RALGPS2: variants seen among roughly 807,000 people sequenced by gnomAD.
RALGPS2 encodes the protein ras-specific guanine nucleotide-releasing factor RalGPS2.
In RALGPS2, 43 loss-of-function variants were observed where a neutral mutation model predicts 86.8. The ratio of observed to expected loss-of-function variants is 0.50; its 90% CI spans 0.39 to 0.64. RALGPS2 has a LOEUF of 0.64. Ranked by LOEUF, RALGPS2 falls within the 30% of genes least tolerant of loss-of-function variation. RALGPS2 has a pLI of 0.00. For synonymous variants in RALGPS2, 243 were observed against 231.3 expected (o/e 1.05, Z -0.46); for missense variants, 536 against 694.6 (o/e 0.77, Z 2.57).
At chr1:178,787,193 C>T (rs1572331798) in intron 4 of RALGPS2, among the ~76,000 whole-genome samples, 3 of 151,902 alleles carry the variant, frequency 2.0e-5, no homozygotes, top group Middle Eastern at 3.4e-3. Context: ...ATGCAAATTA[C>T]GTTTTTGACC....
At chr1:178,859,831 C>A (rs931107239) in intron 8 of RALGPS2, among the ~76,000 whole-genome samples, 3 of 100,560 alleles carry the variant, frequency 3.0e-5, no homozygotes, top group Non-Finnish European at 4.5e-5. Context: ...CCCCCCCCCC[C>A]CCAACCGCCC....
In RALGPS2 at chr1:178,891,703, C is replaced by T. The variant is rs531297503; in HGVS notation, c.1248-527C>T. ...GTCAGTTAATGTAGAAATAATATAA[C>T]GCCTATATTACTCAGTTCATTTCTT... is the stretch of plus-strand genomic sequence containing the variant. On this transcript the variant is annotated intron_variant, in intron 14 of 19. Coordinates refer to ENST00000367635, the MANE Select transcript of RALGPS2 (RefSeq NM_152663.5). 6.6e-5 allele frequency among the ~76,000 whole-genome samples: 10 copies of T among 151,794 alleles called. No homozygotes were observed. The South Asian group carries it at 1.0e-3, about 16-fold the overall frequency.
chr1:178,754,100 G>A (rs1264486715), intron 1 of RALGPS2, among the ~76,000 whole-genome samples: 11 of 151,946 alleles, frequency 7.2e-5, no homozygotes, highest in Admixed American at 5.2e-4. Context: ...GGGATTACAG[G>A]TGTGAGCCAC....
chr1:178,772,286 A>T (rs993379194), intron 1 of RALGPS2, among the ~76,000 whole-genome samples: 1 of 152,162 alleles, frequency 6.6e-6, no homozygotes, highest in Non-Finnish European at 1.5e-5. Flanking sequence ...GTGAACTTTT[A>T]TGGGGTAGTC....
chr1:178,814,775 A>G (rs1391229891), intron 6 of RALGPS2, among the ~76,000 whole-genome samples: 1 of 152,112 alleles, frequency 6.6e-6, no homozygotes, highest in African/African-American at 2.4e-5. Context: ...TTTGTTATAG[A>G]TAACCTCCAA....
chr1:178,903,378 G>T (rs1660258250), intron 18 of RALGPS2, among the ~76,000 whole-genome samples: 1 of 151,934 alleles, frequency 6.6e-6, no homozygotes, highest in African/African-American at 2.4e-5. Context: ...TAAGTTATTG[G>T]GGTACAGGTG....
At chr1:178,843,964 G>A (rs1422661640) in intron 8 of RALGPS2, among the ~76,000 whole-genome samples, 1 of 152,118 alleles carries the variant, frequency 6.6e-6, no homozygotes, top group Non-Finnish European at 1.5e-5. Context: ...CAAACCGTTA[G>A]ATTAAATGTA....
rs748587348 is a variant in RALGPS2 at position 178,883,494 on chromosome 1, A to G, written c.865A>G (p.Ser289Gly). 2.5e-6 allele frequency: 4 copies of G among 1,613,502 alleles called. No homozygotes were observed. Among genetic ancestry groups the G allele is most frequent in the South Asian group, 1.1e-5 (1 of 91,058 alleles). Reference sequence around the variant, plus strand: ...TTCATTAAAGATAGAACCAGGGACAAGCACCCCACGTTCTGCTGCTTCCAG... The same window carrying G: ...TTCATTAAAGATAGAACCAGGGACAGGCACCCCACGTTCTGCTGCTTCCAG... ...KLSLKIEPGT[S>G]TPRSAASRED... is the part of the protein sequence containing the mutation. The change falls in exon 11 of 20, where the codon AGC becomes GGC. Residue 289 changes from serine (S) to glycine (G), a missense_variant. Physicochemically the swap from Ser to Gly is moderately conservative, Grantham distance 56. Coordinates refer to ENST00000367635, the MANE Select transcript of RALGPS2 (RefSeq NM_152663.5).
At chr1:178,747,597 T>G in intron 1 of RALGPS2, 1 of 1,598,900 alleles carries the variant, frequency 6.3e-7, no homozygotes. Context: ...TGTGTTAAGA[T>G]GTAACTCCTT....
At chr1:178,862,763 G>A (rs1658124723) in intron 8 of RALGPS2, among the ~76,000 whole-genome samples, 1 of 152,068 alleles carries the variant, frequency 6.6e-6, no homozygotes, top group Admixed American at 6.6e-5. Flanking sequence ...ACTAGTGGAA[G>A]GTCCGCTAGG....
At chr1:178,781,563 C>T (rs1479473692) in intron 2 of RALGPS2, among the ~76,000 whole-genome samples, 3 of 152,066 alleles carry the variant, frequency 2.0e-5, no homozygotes, top group Non-Finnish European at 4.4e-5. Context: ...GGAAGCATGT[C>T]AAAATGCACA....
intron 3 of RALGPS2, among the ~76,000 whole-genome samples, chr1:178,784,889 T>C (rs1263145872): frequency 6.6e-6 from 1 of 152,056 alleles, no homozygotes; most frequent in Non-Finnish European, 1.5e-5. Context: ...AAAAATGAAA[T>C]ATGAAGGTGT....
intron 1 of RALGPS2, among the ~76,000 whole-genome samples, chr1:178,748,513 CACA>C (rs991654062): frequency 1.3e-5 from 2 of 152,072 alleles, no homozygotes; most frequent in African/African-American, 4.8e-5. Flanking sequence ...TATTGATAGT[CACA>C]ACAACAGGGA....
chr1:178,734,957 T>C (rs1423591651), intron 1 of RALGPS2, among the ~76,000 whole-genome samples: 1 of 152,160 alleles, frequency 6.6e-6, no homozygotes, highest in Non-Finnish European at 1.5e-5. Flanking sequence ...TTTTATTTTA[T>C]AATAGAAGTA....
intron 7 of RALGPS2, among the ~76,000 whole-genome samples, chr1:178,824,568 G>A (rs540096280): frequency 1.3e-5 from 2 of 152,190 alleles, no homozygotes; most frequent in East Asian, 3.9e-4. Flanking sequence ...CAGCACTTTG[G>A]GAGGCCAAGT....
At chr1:178,837,317 A>G (rs968717064) in intron 8 of RALGPS2, among the ~76,000 whole-genome samples, 3 of 152,204 alleles carry the variant, frequency 2.0e-5, no homozygotes, top group South Asian at 2.1e-4. Context: ...CCCATTCAAC[A>G]TGTGCAGAAG....
At chr1:178,782,937 C>T (rs1207010988) in intron 2 of RALGPS2, among the ~76,000 whole-genome samples, 1 of 152,112 alleles carries the variant, frequency 6.6e-6, no homozygotes, top group Non-Finnish European at 1.5e-5. Context: ...TATACCATTT[C>T]TAGCTTTCAA....
At chr1:178,735,037 G>T (rs1030583836) in intron 1 of RALGPS2, among the ~76,000 whole-genome samples, 1 of 152,158 alleles carries the variant, frequency 6.6e-6, no homozygotes, top group South Asian at 2.1e-4. Flanking sequence ...AGCAAACAGG[G>T]CATGTCCATA....
chr1:178,848,823 T>G (rs2102284267), intron 8 of RALGPS2, among the ~76,000 whole-genome samples: 1 of 152,140 alleles, frequency 6.6e-6, no homozygotes, highest in East Asian at 1.9e-4. Context: ...AGAGATGGGG[T>G]TTCACCATGT....
Sources: gnomAD v4.1 joint callset for allele counts (sites outside exome capture counted in the v4.1 genomes callset) on GRCh38, gnomAD v4.1.1 for gene constraint, MANE v1.5 for transcripts, NCBI Gene and HGNC (gene_info 2026-07-23, HGNC 2026-07-21) for gene names.